ASB3: variants seen among roughly 807,000 people sequenced by gnomAD.
The protein encoded by ASB3 is ankyrin repeat and SOCS box protein 3.
In ASB3, 41 loss-of-function variants were observed where a neutral mutation model predicts 54.5. That is an observed-to-expected ratio of 0.75 (90% CI 0.59 to 0.98). The LOEUF is 0.98. Ranked by LOEUF, ASB3 falls within the 50% of genes least tolerant of loss-of-function variation. ASB3 has a pLI of 0.00. For synonymous variants in ASB3, 266 were observed against 221.2 expected, an observed-to-expected ratio of 1.20 and a Z score of -1.80; for missense variants, 733 against 620.0, an observed-to-expected ratio of 1.18 and a Z score of -1.94.
intron 5 of ASB3, among the ~76,000 whole-genome samples, chr2:53,717,227 CA>C (rs1424462816): frequency 1.2e-4 from 18 of 152,226 alleles, no homozygotes; most frequent in South Asian, 6.2e-4. Flanking sequence ...AAGAAAAATG[CA>C]AACTATCAAA....
intron 7 of ASB3, among the ~76,000 whole-genome samples, chr2:53,708,681 G>A (rs1435597385): frequency 6.6e-6 from 1 of 152,202 alleles, no homozygotes; most frequent in Non-Finnish European, 1.5e-5. Flanking sequence ...GGCTGACAAG[G>A]TCTCAGATGG....
chr2:53,714,702 T>A (rs1042584526), intron 6 of ASB3, 121 bp from the exon 7 acceptor site: 19 of 993,574 alleles, frequency 1.9e-5, no homozygotes, highest in Non-Finnish European at 2.6e-5. Flanking sequence ...AATATTTCTG[T>A]CTAGGGTGTA....
intron 7 of ASB3, among the ~76,000 whole-genome samples, chr2:53,712,280 T>C (rs908445415): frequency 6.6e-6 from 1 of 151,896 alleles, no homozygotes; most frequent in Non-Finnish European, 1.5e-5. Context: ...GTGAAGTAAA[T>C]GCCACTAAAT....
At chr2:53,712,785 C>T (rs1670179700) in intron 7 of ASB3, among the ~76,000 whole-genome samples, 1 of 152,074 alleles carries the variant, frequency 6.6e-6, no homozygotes, top group Non-Finnish European at 1.5e-5. Flanking sequence ...CGCGCGCGCG[C>T]AATCCAAAAT....
chr2:53,688,121 T>G (rs1303050203), intron 9 of ASB3, among the ~76,000 whole-genome samples: 1 of 152,196 alleles, frequency 6.6e-6, no homozygotes, highest in Non-Finnish European at 1.5e-5. Context: ...CTGGCCTATT[T>G]GTTGTTTTTA....
rs187367376 is a variant in ASB3, at chr2:53,697,478, C to T, written c.1238+2793G>A. Among the ~76,000 whole-genome samples the T allele has an allele frequency of 1.6e-3, 248 of 152,236 alleles. 1 individual carries two copies. Among genetic ancestry groups the T allele is most frequent in the Admixed American group, 4.4e-3 (67 of 15,298 alleles). ...GACTTGCCCCGAATTCTTTCTTGCA[C>T]GAGATCCAAGAACCCTCTCTTGGGT... On this transcript the variant is annotated intron_variant, in intron 8 of 9. Coordinates refer to ENST00000263634, the MANE Select transcript of ASB3 (RefSeq NM_016115.5).
intron 9 of ASB3, among the ~76,000 whole-genome samples, chr2:53,675,690 A>G (rs1668048435): frequency 6.6e-6 from 1 of 152,264 alleles, no homozygotes. Flanking sequence ...TAAGCTAATC[A>G]GAAAGTTTTG....
intron 2 of ASB3, among the ~76,000 whole-genome samples, chr2:53,752,912 A>T (rs956791659): frequency 1.3e-5 from 2 of 152,188 alleles, no homozygotes; most frequent in African/African-American, 2.4e-5. Flanking sequence ...TACAGAAGCC[A>T]AGGAACTTTC....
chr2:53,688,170 G>T (rs569175720), intron 9 of ASB3, among the ~76,000 whole-genome samples: 1 of 152,290 alleles, frequency 6.6e-6, no homozygotes, highest in South Asian at 2.1e-4. Context: ...GATAGGATCT[G>T]GTTGTAAGTT....
At chr2:53,687,785 AC>A (rs553988909) in intron 9 of ASB3, among the ~76,000 whole-genome samples, 5 of 152,154 alleles carry the variant, frequency 3.3e-5, no homozygotes, top group Non-Finnish European at 5.9e-5. Context: ...AAATACTCTT[AC>A]CAAGTATATA....
chr2:53,694,063 G>C lies in ASB3; in HGVS notation c.1239-49C>G, dbSNP rs371491315. 323 of 1,595,924 alleles carry C rather than the reference G, an allele frequency of 2.0e-4. 2 individuals are homozygous for C. The African/African-American group carries it at 3.8e-3, about 19-fold the overall frequency. On this transcript the variant is annotated intron_variant, in intron 8 of 9. Coordinates refer to ENST00000263634, the MANE Select transcript of ASB3 (RefSeq NM_016115.5). ...AATATTAGAAACAAAACATGCCAAGGGTTCGTACTTGAAACAAACACCACA... is the reference window on the plus strand; with the variant it reads ...AATATTAGAAACAAAACATGCCAAGCGTTCGTACTTGAAACAAACACCACA...
At chr2:53,756,569 C>T (rs1012552645) in intron 2 of ASB3, among the ~76,000 whole-genome samples, 4 of 152,112 alleles carry the variant, frequency 2.6e-5, no homozygotes, top group Non-Finnish European at 4.4e-5. Context: ...ACTGAATAAA[C>T]AAGACTTGCC....
intron 1 of ASB3, among the ~76,000 whole-genome samples, chr2:53,780,174 T>C (rs888695572): frequency 1.3e-5 from 2 of 152,200 alleles, no homozygotes; most frequent in African/African-American, 4.8e-5. Flanking sequence ...TCCTGCTGCA[T>C]ATAAAATAAA....
intron 1 of ASB3, among the ~76,000 whole-genome samples, chr2:53,771,087 C>G (rs1314390904): frequency 1.3e-5 from 2 of 152,214 alleles, no homozygotes; most frequent in Admixed American, 1.3e-4. Context: ...TCCAGACCTA[C>G]AGAATCAAAA....
intron 5 of ASB3, among the ~76,000 whole-genome samples, chr2:53,720,978 C>A (rs896215315): frequency 6.6e-6 from 1 of 151,490 alleles, no homozygotes; most frequent in African/African-American, 2.4e-5. Context: ...AATTAGCTGG[C>A]CACAGGGGTG....
intron 6 of ASB3, 95 bp from the exon 7 acceptor site, chr2:53,714,676 C>A (rs1670289563): frequency 7.9e-7 from 1 of 1,261,646 alleles, no homozygotes. Context: ...GAATTACCAA[C>A]TGATTCATTT....
At chr2:53,704,951 A>G (rs1245614229) in intron 7 of ASB3, among the ~76,000 whole-genome samples, 2 of 152,190 alleles carry the variant, frequency 1.3e-5, no homozygotes, top group Non-Finnish European at 2.9e-5. Context: ...AAGCCATTTA[A>G]TTATCACTCT....
chr2:53,765,399 A>C lies in ASB3; in HGVS notation c.174T>G (p.Cys58Trp). 1 of 1,614,200 alleles carries C rather than the reference A, an allele frequency of 6.2e-7. No individual in the cohort carries two copies. The highest frequency in any genetic ancestry group is 2.2e-5 in the East Asian group (1 of 44,880). ...TACCTGCATTAATTAACATTTGCAA[A>C]CATTCTACAGAGTTGTGATAAGCTG... is the stretch of plus-strand genomic sequence containing the variant. The part of the protein sequence containing the change: ...HEAAYHNSVE[C>W]LQMLINADSS... Residue 58 changes from cysteine (C) to tryptophan (W), a missense_variant, in exon 2 of 10, where the codon TGT (cysteine) becomes TGG (tryptophan). By Grantham distance (215) the Cys-to-Trp change is radical. Transcript: ENST00000263634.
chr2:53,748,233 G>C (rs1468386509), intron 3 of ASB3: 1 of 152,150 alleles, frequency 6.6e-6, no homozygotes, highest in African/African-American at 2.4e-5. Flanking sequence ...TGTCATTCAA[G>C]GGTGACTAAT....
Sources: gnomAD v4.1 joint callset for allele counts (sites outside exome capture counted in the v4.1 genomes callset) on GRCh38, gnomAD v4.1.1 for gene constraint, MANE v1.5 for transcripts, NCBI Gene and HGNC (gene_info 2026-07-23, HGNC 2026-07-21) for gene names.